SPG7: variants seen among roughly 807,000 people sequenced by gnomAD.
The protein encoded by SPG7 is SPG7 matrix AAA peptidase subunit, paraplegin, also known as mitochondrial inner membrane m-AAA protease component paraplegin.
In SPG7, 103 loss-of-function variants were observed where a neutral mutation model predicts 81.9. The ratio of observed to expected loss-of-function variants is 1.26; its 90% CI spans 1.07 to 1.48. The LOEUF is 1.48. Among genes scored for constraint, SPG7 ranks in the 40% most tolerant of loss-of-function variants. The pLI is 0.00. For synonymous variants in SPG7, 534 were observed against 444.2 expected, an observed-to-expected ratio of 1.20 and a Z score of -2.54; for missense variants, 1,241 against 1,087.3, an observed-to-expected ratio of 1.14 and a Z score of -1.99.
At chr16:89,522,559 C>T (rs2058202918) in intron 3 of SPG7, 1 of 152,010 alleles carries the variant, frequency 6.6e-6, no homozygotes, top group Admixed American at 6.6e-5. Context: ...GCCGCTGGGT[C>T]CGTGGCGCTG....
chr16:89,554,830 C>G (rs2058670976), intron 16 of SPG7: 1 of 441,276 alleles, frequency 2.3e-6, no homozygotes, highest in African/African-American at 2.0e-5. Flanking sequence ...AATGTTTTGT[C>G]AGTTTTGTTT....
intron 9 of SPG7, chr16:89,537,112 C>G (rs2058435450): frequency 2.0e-6 from 3 of 1,493,760 alleles, no homozygotes; most frequent in African/African-American, 2.8e-5. Context: ...CACAGCTGTG[C>G]ATGCTCAGCC....
rs1018531684 is a variant in SPG7 at position 89,557,291 on chromosome 16, G to C, written c.*198G>C. ...CTGCAGAAACTACTGACGGAGTCCT[G>C]TGTTTGTGAGTCGTTTCCCCTATGG... On this transcript the variant is annotated 3_prime_UTR_variant, in exon 17 of 17. Coordinates refer to ENST00000645818, the MANE Select transcript of SPG7 (RefSeq NM_003119.4). The C allele has an allele frequency of 6.7e-6, 4 of 593,054 alleles. No homozygotes were observed. Among genetic ancestry groups the C allele is most frequent in the Non-Finnish European group, 1.2e-5 (4 of 332,880 alleles). The allele number at this position is 593,054 out of a possible 1,614,324, so 36.7% of individuals were successfully genotyped here.
At chr16:89,543,037 C>G (rs556065720) in intron 9 of SPG7, 2 of 144,638 alleles carry the variant, frequency 1.4e-5, no homozygotes, top group South Asian at 2.2e-4. Flanking sequence ...AAGCTCCACC[C>G]TTCAGGTTCA....
chr16:89,531,365 T>A (rs1325429506), intron 7 of SPG7: 1 of 184,044 alleles, frequency 5.4e-6, no homozygotes, highest in Non-Finnish European at 1.2e-5. Flanking sequence ...TGCAAAACAT[T>A]TTTTTATTTA....
chr16:89,553,733 G>A (rs760246174), intron 14 of SPG7, 61 bp from the exon 15 acceptor site: 4 of 1,546,690 alleles, frequency 2.6e-6, no homozygotes, highest in African/African-American at 2.7e-5. Flanking sequence ...GACACCTGGG[G>A]CCCAGCACTG....
At chr16:89,556,553 C>CA (rs2058688987) in intron 16 of SPG7, 1 of 392,076 alleles carries the variant, frequency 2.6e-6, no homozygotes, top group Non-Finnish European at 4.8e-6. Flanking sequence ...CTGCTCTCCT[C>CA]AATCAGGAGG....
At chr16:89,537,328 C>T (rs563036112) in intron 9 of SPG7, 19 of 1,190,082 alleles carry the variant, frequency 1.6e-5, no homozygotes, top group Middle Eastern at 3.5e-4. Context: ...GAGGCACCGC[C>T]GGCGATGGAC....
At chr16:89,531,814 A>C in intron 7 of SPG7, 90 bp from the exon 8 acceptor site, 1 of 1,376,854 alleles carries the variant, frequency 7.3e-7, no homozygotes, top group Non-Finnish European at 1.0e-6. Context: ...ACTGCACTCC[A>C]GCCTGCGTGA....
Position 89,548,048 on chromosome 16 carries a change from C to T in SPG7, c.1598C>T (p.Ala533Val), listed in dbSNP as rs760378368. Reference protein sequence around the residue: ...NICNEAALHAAREGHTSVHTL... With the variant: ...NICNEAALHAVREGHTSVHTL... ...TGCAATGAGGCTGCGCTGCACGCGG[C>T]GCGGGAGGGACACACTTCCGTGCAC... The change falls in exon 12 of 17, where the codon GCG becomes GTG. Residue 533 changes from alanine (A) to valine (V), a missense_variant. Coordinates refer to ENST00000645818, the MANE Select transcript of SPG7 (RefSeq NM_003119.4). 8 of 1,611,746 alleles carry T rather than the reference C, an allele frequency of 5.0e-6. No homozygotes were observed. Among genetic ancestry groups the T allele is most frequent in the East Asian group, 2.2e-5 (1 of 44,876 alleles).
intron 10 of SPG7, chr16:89,545,950 T>A: frequency 2.2e-6 from 1 of 450,896 alleles, no homozygotes; most frequent in South Asian, 1.6e-5. Flanking sequence ...CCTTCAGGGC[T>A]CAAGCTGAGG....
Position 89,553,797 on chromosome 16 carries a change from C to A in SPG7, c.1940C>A (p.Ala647Glu), listed in dbSNP as rs776380988. The change falls in exon 15 of 17, where the codon GCA becomes GAA. Residue 647 changes from alanine (A) to glutamate (E), a missense_variant. Transcript: ENST00000645818. The stretch of plus-strand genomic sequence containing the variant: ...CTGTCTCGACCCCGCCCTCCAGGGG[C>A]ACAGGACGACCTGAGGAAGGTCACC... Reference protein sequence around the residue: ...ALSFNEVTSGAQDDLRKVTRI... With the variant: ...ALSFNEVTSGEQDDLRKVTRI... 1 of 1,613,436 alleles carries A rather than the reference C, an allele frequency of 6.2e-7. No homozygotes were observed.
chr16:89,544,988 C>A (rs1156822000), intron 10 of SPG7: 6 of 614,018 alleles, frequency 9.8e-6, no homozygotes, highest in Non-Finnish European at 1.8e-5. Context: ...ATTGGCTGCA[C>A]GCCCCCTGGC....
In SPG7 at chr16:89,508,403, G is replaced by C. The variant is rs1168123672; in HGVS notation, c.-15G>C. On this transcript the variant is annotated 5_prime_UTR_variant, in exon 1 of 17. Coordinates refer to ENST00000645818, the MANE Select transcript of SPG7 (RefSeq NM_003119.4). ...AGCGCCCCGCGGATCACGCAGGCGC[G>C]GCTTTCAGGCCAACATGGCCGTGCT... 2 of 1,472,938 alleles carry C rather than the reference G, an allele frequency of 1.4e-6. No homozygotes were observed. The highest frequency in any genetic ancestry group is 1.8e-6 in the Non-Finnish European group (2 of 1,118,066). 91.2% of individuals were successfully genotyped at this position (1,472,938 alleles called of 1,614,324 possible).
intron 6 of SPG7, chr16:89,530,027 C>G (rs1047909048): frequency 3.3e-6 from 1 of 302,622 alleles, no homozygotes; most frequent in Non-Finnish European, 6.4e-6. Flanking sequence ...TTGGTAGAGA[C>G]GGGGTTTCTC....
At chr16:89,531,380 AT>A (rs757431984) in intron 7 of SPG7, 50 of 177,136 alleles carry the variant, frequency 2.8e-4, no homozygotes, top group East Asian at 6.0e-4. Flanking sequence ...TATTTAATTA[AT>A]TTTTTTTTTC....
Position 89,553,081 on chromosome 16 carries a change from A to G in SPG7, c.1882A>G (p.Met628Val), listed in dbSNP as rs2058652022. The G allele has an allele frequency of 2.5e-6, 4 of 1,613,692 alleles. No homozygotes were observed. Among genetic ancestry groups the G allele is most frequent in the East Asian group, 2.2e-5 (1 of 44,862 alleles). The change falls in exon 14 of 17, where the codon ATG (methionine) becomes GTG (valine). Residue 628 changes from methionine to valine, a missense_variant. By Grantham distance (21) the Met-to-Val change is conservative. Transcript: ENST00000645818. ...GGAGCAGCTGTTTGAGCGGATGTGC[A>G]TGGCCCTGGGAGGACGGGCCTCGGA... is the stretch of plus-strand genomic sequence containing the variant. ...TKEQLFERMC[M>V]ALGGRASEAL...
chr16:89,540,416 G>T (rs576924434), intron 9 of SPG7: 1 of 151,952 alleles, frequency 6.6e-6, no homozygotes, highest in Non-Finnish European at 1.5e-5. Flanking sequence ...GTGAGATTCT[G>T]TCTCTAAAAA....
chr16:89,543,347 C>CTTTTTTATTTT (rs2058522937), intron 9 of SPG7: 1 of 108,964 alleles, frequency 9.2e-6, no homozygotes, highest in African/African-American at 3.5e-5. Flanking sequence ...GGACCTTTTC[C>CTTTTTTATTTT]TTTTTTTTTT....
Sources: gnomAD v4.1 joint callset for allele counts on GRCh38, gnomAD v4.1.1 for gene constraint, MANE v1.5 for transcripts, NCBI Gene and HGNC (gene_info 2026-07-23, HGNC 2026-07-21) for gene names.